The following PDK1 variants were observed in gnomAD, a reference collection of about 807,000 sequenced individuals.
The protein encoded by PDK1 is pyruvate dehydrogenase kinase 1, also known as [Pyruvate dehydrogenase (acetyl-transferring)] kinase isozyme 1, mitochondrial.
In PDK1, 39 loss-of-function variants were observed where a neutral mutation model predicts 54.2. The ratio of observed to expected loss-of-function variants is 0.72; its 90% CI spans 0.56 to 0.94. The LOEUF is 0.94. Ranked by LOEUF, PDK1 falls within the 40% of genes least tolerant of loss-of-function variation. The pLI, the probability that PDK1 is intolerant of heterozygous loss-of-function variation, is 0.00. For synonymous variants in PDK1, 221 were observed against 207.1 expected (o/e 1.07, Z -0.58); for missense variants, 552 against 566.0 (o/e 0.98, Z 0.25).
chr2:172,652,468 G>A, the PDK1 span, among the ~76,000 whole-genome samples: 1 of 137,220 alleles, frequency 7.3e-6, no homozygotes, highest in Non-Finnish European at 1.5e-5. Flanking sequence ...GTTCTGGCCA[G>A]GGCAATCAGG....
chr2:172,715,779 C>G, the PDK1 span, among the ~76,000 whole-genome samples: 1 of 152,102 alleles, frequency 6.6e-6, no homozygotes, highest in Non-Finnish European at 1.5e-5. Context: ...TAATAAGAAT[C>G]AAAATGTAAT....
the PDK1 span, among the ~76,000 whole-genome samples, chr2:172,620,262 A>G: frequency 1.3e-5 from 2 of 152,196 alleles, no homozygotes; most frequent in South Asian, 4.1e-4. Flanking sequence ...AAATAACTGG[A>G]CAGTCTCCTA....
chr2:172,619,191 G>T, the PDK1 span, among the ~76,000 whole-genome samples: 1 of 152,164 alleles, frequency 6.6e-6, no homozygotes, highest in Non-Finnish European at 1.5e-5. Flanking sequence ...GCCTTGTGAG[G>T]TTGTCTTGGG....
the PDK1 span, among the ~76,000 whole-genome samples, chr2:172,614,139 C>G: frequency 6.6e-6 from 1 of 151,280 alleles, no homozygotes; most frequent in East Asian, 2.0e-4. Flanking sequence ...CCGGGAATCT[C>G]TGCAGCCTGT....
At chr2:172,721,990 G>A in the PDK1 span, among the ~76,000 whole-genome samples, 172 of 152,318 alleles carry the variant, frequency 1.1e-3, 1 homozygote, top group Middle Eastern at 3.4e-3. Context: ...TTGCCTTACC[G>A]TTAGCTACTG....
At chr2:172,559,102 C>T (rs1558923576) in intron 2 of PDK1, among the ~76,000 whole-genome samples, 2 of 152,170 alleles carry the variant, frequency 1.3e-5, no homozygotes, top group African/African-American at 4.8e-5. Flanking sequence ...GCACGTGCCA[C>T]CACGCCCAGC....
chr2:172,712,005 C>T, the PDK1 span, among the ~76,000 whole-genome samples: 1 of 148,724 alleles, frequency 6.7e-6, no homozygotes, highest in South Asian at 2.2e-4. Flanking sequence ...ATATTAGTTA[C>T]ATATATTTAC....
At chr2:172,674,866 A>C in the PDK1 span, 1 of 152,232 alleles carries the variant, frequency 6.6e-6, no homozygotes, top group African/African-American at 2.4e-5. Flanking sequence ...GCCCGCGTCC[A>C]AGGCGCCACC....
the PDK1 span, among the ~76,000 whole-genome samples, chr2:172,641,481 G>A: frequency 1.1e-4 from 16 of 141,292 alleles, no homozygotes; most frequent in East Asian, 8.2e-4. Context: ...TTGCACTGTC[G>A]CCCAGGCTAG....
intron 10 of PDK1, among the ~76,000 whole-genome samples, chr2:172,593,599 C>G (rs149935488): frequency 0.013 from 1,935 of 152,250 alleles, 48 homozygotes; most frequent in African/African-American, 0.043. Flanking sequence ...TCTTAGTTTT[C>G]AAGGAAACAT....
At chr2:172,621,658 C>T in the PDK1 span, among the ~76,000 whole-genome samples, 3 of 143,770 alleles carry the variant, frequency 2.1e-5, no homozygotes, top group Admixed American at 7.0e-5. Flanking sequence ...ATATGTTTAT[C>T]ATATATATGA....
At chr2:172,664,209 G>T in the PDK1 span, among the ~76,000 whole-genome samples, 1 of 150,446 alleles carries the variant, frequency 6.6e-6, no homozygotes, top group Non-Finnish European at 1.5e-5. Context: ...TACTCGGGAG[G>T]CTGAGGTGGG....
the PDK1 span, among the ~76,000 whole-genome samples, chr2:172,630,876 C>T: frequency 6.6e-6 from 1 of 152,166 alleles, no homozygotes; most frequent in African/African-American, 2.4e-5. Context: ...GCGATCCTCC[C>T]ACCTTGGCTT....
At chr2:172,632,850 C>T in the PDK1 span, among the ~76,000 whole-genome samples, 28 of 151,186 alleles carry the variant, frequency 1.9e-4, no homozygotes, top group African/African-American at 3.6e-4. Context: ...TGTGGTGGCG[C>T]GCACCTGTAG....
chr2:172,625,056 C>G, the PDK1 span, among the ~76,000 whole-genome samples: 2 of 151,768 alleles, frequency 1.3e-5, no homozygotes, highest in Non-Finnish European at 2.9e-5. Flanking sequence ...ATGCTTGAAT[C>G]CAGGGAGAAA....
the PDK1 span, among the ~76,000 whole-genome samples, chr2:172,679,609 A>G: frequency 1.3e-5 from 2 of 152,222 alleles, no homozygotes; most frequent in African/African-American, 4.8e-5. Flanking sequence ...GGTTTGGATC[A>G]GTGATGACCA....
chr2:172,590,716 G>A (rs900148674), intron 9 of PDK1, among the ~76,000 whole-genome samples: 2 of 152,068 alleles, frequency 1.3e-5, no homozygotes, highest in East Asian at 1.9e-4. Context: ...TGCCACTGCT[G>A]GCTGGGGTGG....
chr2:172,658,987 A>G, the PDK1 span, among the ~76,000 whole-genome samples: 1 of 152,242 alleles, frequency 6.6e-6, no homozygotes, highest in East Asian at 1.9e-4. Context: ...TATTGGCCTC[A>G]GAAGCATGTG....
At chr2:172,627,948 G>A in the PDK1 span, among the ~76,000 whole-genome samples, 1 of 152,116 alleles carries the variant, frequency 6.6e-6, no homozygotes, top group Non-Finnish European at 1.5e-5. Context: ...CTTCCCGCGG[G>A]GCGTGGAGAA....
Sources: gnomAD v4.1 joint callset for allele counts (sites outside exome capture counted in the v4.1 genomes callset) on GRCh38, gnomAD v4.1.1 for gene constraint, MANE v1.5 for transcripts, NCBI Gene and HGNC (gene_info 2026-07-23, HGNC 2026-07-21) for gene names.